RAB43: variants seen among roughly 807,000 people sequenced by gnomAD.
The protein encoded by RAB43 is ras-related protein Rab-43.
In RAB43, 6 loss-of-function variants were observed where a neutral mutation model predicts 18.8. The ratio of observed to expected loss-of-function variants is 0.32; its 90% CI spans 0.17 to 0.63. The LOEUF (loss-of-function observed/expected upper bound fraction) is 0.63, where lower values mean the gene tolerates loss of function less well. RAB43 is among the 30% of genes least tolerant of loss of function. The pLI is 0.79. For synonymous variants in RAB43, 103 were observed against 124.1 expected, an observed-to-expected ratio of 0.83 and a Z score of 1.13; for missense variants, 195 against 289.1, an observed-to-expected ratio of 0.67 and a Z score of 2.36.
chr3:129,104,490 A>T (rs1390632791), intron 1 of RAB43, among the ~76,000 whole-genome samples: 2 of 152,178 alleles, frequency 1.3e-5, no homozygotes, highest in Non-Finnish European at 2.9e-5. Flanking sequence ...GGTAAGGCCT[A>T]ATTAGGGAGG....
intron 2 of RAB43, among the ~76,000 whole-genome samples, chr3:129,093,994 A>C (rs1360685101): frequency 3.3e-5 from 5 of 152,212 alleles, no homozygotes; most frequent in Non-Finnish European, 7.3e-5. Flanking sequence ...TAAGAGCTAA[A>C]GAGCTTCTCC....
intron 2 of RAB43, among the ~76,000 whole-genome samples, chr3:129,092,045 C>T (rs906324276): frequency 6.0e-5 from 8 of 134,184 alleles, no homozygotes; most frequent in Non-Finnish European, 9.3e-5. Context: ...GCAACAAGAG[C>T]GAAACTCCGT....
chr3:129,106,447 T>C (rs572060237), intron 1 of RAB43, among the ~76,000 whole-genome samples: 1 of 152,298 alleles, frequency 6.6e-6, no homozygotes, highest in East Asian at 1.9e-4. Context: ...CCTCCCACCA[T>C]GCTGTGGTCC....
rs935840508 is a variant in RAB43, at chr3:129,095,592, C to T, written c.205-423G>A. ...GGTACCCTCCCCTACAAGAGCATCA[C>T]GTACCCAGCTGTGTGTGAGGCTCCT... On this transcript the variant is annotated intron_variant, in intron 1 of 2. Transcript: ENST00000315150. The surrounding 1 kb of genome is among the most constrained non-coding windows in gnomAD (Gnocchi z 4.2). Among the ~76,000 whole-genome samples the T allele has an allele frequency of 3.3e-5, 5 of 152,200 alleles. No homozygotes were observed. The highest frequency in any genetic ancestry group is 4.4e-5 in the Non-Finnish European group (3 of 68,032).
At chr3:129,099,587 T>C (rs1934290453) in intron 1 of RAB43, among the ~76,000 whole-genome samples, 1 of 151,986 alleles carries the variant, frequency 6.6e-6, no homozygotes, top group Admixed American at 6.6e-5. Context: ...GGTTTCTCCA[T>C]GTTGGTCAGT....
chr3:129,100,314 T>G (rs530366973), intron 1 of RAB43, among the ~76,000 whole-genome samples: 1 of 152,272 alleles, frequency 6.6e-6, no homozygotes, highest in Non-Finnish European at 1.5e-5. Flanking sequence ...ATCAAGACGT[T>G]TGCAGATAAA....
At chr3:129,118,989 G>A (rs1398853392) in intron 1 of RAB43, among the ~76,000 whole-genome samples, 1 of 152,204 alleles carries the variant, frequency 6.6e-6, no homozygotes, top group Non-Finnish European at 1.5e-5. Flanking sequence ...GAAAGGAACT[G>A]ACTACAGAAG....
In RAB43 at chr3:129,107,049, C is replaced by A. The variant is rs979955969; in HGVS notation, c.205-11880G>T. On this transcript the variant is annotated intron_variant, in intron 1 of 2. Coordinates refer to ENST00000315150, the MANE Select transcript of RAB43 (RefSeq NM_198490.3). This position sits in a 1 kb window ranked among gnomAD's most constrained non-coding sequence, Gnocchi z 4.2. ...AGCAAGGGGCCAGAGGCCATGAAAG[C>A]CAGGAAGGCAGAGTTCTGTGGGCAC... Among the ~76,000 whole-genome samples the A allele has an allele frequency of 6.6e-6, 1 of 152,218 alleles. No homozygotes were observed. Among genetic ancestry groups the A allele is most frequent in the Non-Finnish European group, 1.5e-5 (1 of 68,038 alleles).
chr3:129,120,718 T>G (rs976887618), intron 1 of RAB43, among the ~76,000 whole-genome samples: 15 of 152,106 alleles, frequency 9.9e-5, no homozygotes, highest in Non-Finnish European at 7.4e-5. Flanking sequence ...TCGAGTAAAG[T>G]TCCACCACCA....
In RAB43 at chr3:129,095,185, T is replaced by A; in HGVS notation, c.205-16A>T. ...AGATCTGCAGCTAAAGAAATAAGGT[T>A]CCTCAGTGAACCCAGTGGCACAGGC... On this transcript the variant is annotated splice_polypyrimidine_tract_variant and intron_variant, in intron 1 of 2. Transcript: ENST00000315150. This position sits in a 1 kb window ranked among gnomAD's most constrained non-coding sequence, Gnocchi z 4.2. 1.9e-6 allele frequency: 3 copies of A among 1,610,552 alleles called. No individual in the cohort carries two copies. The highest frequency in any genetic ancestry group is 1.7e-6 in the Non-Finnish European group (2 of 1,178,028).
intron 1 of RAB43, among the ~76,000 whole-genome samples, chr3:129,102,783 C>T (rs1479321863): frequency 6.6e-6 from 1 of 152,124 alleles, no homozygotes; most frequent in Non-Finnish European, 1.5e-5. Flanking sequence ...GCCCCTTCCC[C>T]AGACCAGACC....
At chr3:129,104,827 T>C (rs1934654312) in intron 1 of RAB43, among the ~76,000 whole-genome samples, 1 of 152,252 alleles carries the variant, frequency 6.6e-6, no homozygotes, top group African/African-American at 2.4e-5. Flanking sequence ...TTTTCTGGGA[T>C]AAACTGCATT....
chr3:129,092,491 G>T (rs1445985828), intron 2 of RAB43: 1 of 700,176 alleles, frequency 1.4e-6, no homozygotes, highest in African/African-American at 1.8e-5. Context: ...GCCAGATATA[G>T]TGGCTCACAC....
At position 129,090,212 on chromosome 3, in the gene RAB43, G is replaced by A. The variant is rs1933555627; in HGVS notation, c.*884C>T. The A allele has an allele frequency of 6.6e-6, 1 of 151,784 alleles. No individual in the cohort carries two copies. Among genetic ancestry groups the A allele is most frequent in the African/African-American group, 2.4e-5 (1 of 41,278 alleles). 9.4% of individuals were successfully genotyped at this position (151,784 alleles called of 1,614,324 possible). A position where few individuals can be genotyped will look rare whatever the true frequency, so the allele number is the denominator to read the frequency against. ...CTCGGCTGGCAGGATTCCTGCTTGT[G>A]GGGTAAGGCTGGGTGCCTTGCGGTG... On this transcript the variant is annotated 3_prime_UTR_variant, in exon 3 of 3. Coordinates refer to ENST00000315150, the MANE Select transcript of RAB43 (RefSeq NM_198490.3).
Position 129,091,229 on chromosome 3 carries a change from A to ACAGGGGC in RAB43, c.505_506insGCCCCTG (p.Val169GlyfsTer86), listed in dbSNP as rs1933626955. 1 of 1,594,676 alleles carries ACAGGGGC rather than the reference A, an allele frequency of 6.3e-7. No individual in the cohort carries two copies. The highest frequency in any genetic ancestry group is 1.3e-5 in the African/African-American group (1 of 74,496). On this transcript the variant is annotated frameshift_variant, in exon 3 of 3. Coordinates refer to ENST00000315150, the MANE Select transcript of RAB43 (RefSeq NM_198490.3). LOFTEE classifies it high-confidence loss of function. ...GGCCACCCTCAGGAAGGCCTCCTCCACGTTGCTCGAGTCCTTGGCAGACGT... is the reference window on the plus strand; with the variant it reads ...GGCCACCCTCAGGAAGGCCTCCTCCACAGGGGCCGTTGCTCGAGTCCTTGGCAGACGT...
chr3:129,091,378 A>T (rs750288722), intron 2 of RAB43, 32 bp from the exon 3 acceptor site: 1 of 1,593,426 alleles, frequency 6.3e-7, no homozygotes, highest in South Asian at 1.1e-5. Flanking sequence ...GCATGAGGCC[A>T]TGGGGGCTGG....
At chr3:129,109,341 C>T (rs537060657) in intron 1 of RAB43, among the ~76,000 whole-genome samples, 136 of 148,160 alleles carry the variant, frequency 9.2e-4, no homozygotes, top group Non-Finnish European at 1.8e-3. Flanking sequence ...ACCTGGCAGG[C>T]GGAGCTTGCA....
At position 129,121,754 on chromosome 3, in the gene RAB43, G is replaced by A; in HGVS notation, c.-265C>T. 4.9e-6 allele frequency: 1 copy of A among 204,934 alleles called. No individual in the cohort carries two copies. Among genetic ancestry groups the A allele is most frequent in the Non-Finnish European group, 8.6e-6 (1 of 116,388 alleles). 12.7% of individuals were successfully genotyped at this position (204,934 alleles called of 1,614,324 possible). On this transcript the variant is annotated 5_prime_UTR_variant, in exon 1 of 3. Coordinates refer to ENST00000315150, the MANE Select transcript of RAB43 (RefSeq NM_198490.3). ...GGCTCCCCCCCGGACCCGCCAAGCCGGGCCCTCCGCAAAGCTCCGGCCGGT... is the reference window on the plus strand; with the variant it reads ...GGCTCCCCCCCGGACCCGCCAAGCCAGGCCCTCCGCAAAGCTCCGGCCGGT...
At chr3:129,116,292 C>T (rs1030987418) in intron 1 of RAB43, among the ~76,000 whole-genome samples, 4 of 152,200 alleles carry the variant, frequency 2.6e-5, no homozygotes, top group Admixed American at 2.0e-4. Context: ...CTCCACCAGA[C>T]ATGCTGTCTC....
Sources: gnomAD v4.1 joint callset for allele counts (sites outside exome capture counted in the v4.1 genomes callset) on GRCh38, gnomAD v4.1.1 for gene constraint, Gnocchi (gnomAD v3.1) non-coding constraint, MANE v1.5 for transcripts, NCBI Gene and HGNC (gene_info 2026-07-23, HGNC 2026-07-21) for gene names.